Variants in LINC00237 observed in about 807,000 individuals in gnomAD.
The protein encoded by LINC00237 is long independently transcribed non-coding RNA 237, also known as long intergenic non-protein coding RNA 237.
At chr20:21,100,031 A>T (rs2030908965) in intron 1 of LINC00237, among the ~76,000 whole-genome samples, 1 of 152,192 alleles carries the variant, frequency 6.6e-6, no homozygotes, top group Non-Finnish European at 1.5e-5. Flanking sequence ...CTGACCTCCG[A>T]TGGCGCCTAT....
intron 1 of LINC00237, among the ~76,000 whole-genome samples, chr20:21,102,120 C>T (rs2030940366): frequency 6.6e-6 from 1 of 152,246 alleles, no homozygotes; most frequent in African/African-American, 2.4e-5. Flanking sequence ...ATACTTGGGC[C>T]TCGCAACTCA....
intron 1 of LINC00237, chr20:21,093,959 C>A (rs1169627137): frequency 3.9e-5 from 6 of 152,198 alleles, no homozygotes; most frequent in Non-Finnish European, 8.8e-5. Flanking sequence ...ACAGGCAGTA[C>A]TTGTATCATA....
chr20:21,092,794 C>A (rs201067146), intron 2 of LINC00237: 219 of 152,208 alleles, frequency 1.4e-3, no homozygotes, highest in African/African-American at 5.1e-3. Context: ...TGGCAACTAA[C>A]CCCCAAAAAA....
chr20:21,105,973 G>T (rs1211040309), intron 1 of LINC00237, among the ~76,000 whole-genome samples: 2 of 152,190 alleles, frequency 1.3e-5, no homozygotes, highest in Non-Finnish European at 2.9e-5. Flanking sequence ...CGGGGTCGGG[G>T]GGATGGGATC....
intron 2 of LINC00237, chr20:21,090,488 A>C (rs1482474277): frequency 5.3e-5 from 8 of 152,230 alleles, no homozygotes; most frequent in Non-Finnish European, 1.2e-4. Context: ...TCCGGAGCCG[A>C]GCCATCAGGC....
chr20:21,101,903 AG>A lies in LINC00237; in HGVS notation n.88+4367del, dbSNP rs1248339684. Among the ~76,000 whole-genome samples the A allele has an allele frequency of 6.6e-6, 1 of 151,976 alleles. No homozygotes were observed. The highest frequency in any genetic ancestry group is 1.5e-5 in the Non-Finnish European group (1 of 67,984). ...TGGGGGCGGAGTGCGGCGAGGGGTGAGGGCGCGACCGCCTTGGGGCAGGGGC... is the reference window on the plus strand; with the variant it reads ...TGGGGGCGGAGTGCGGCGAGGGGTGAGGCGCGACCGCCTTGGGGCAGGGGC... On this transcript the variant is annotated intron_variant and non_coding_transcript_variant, in intron 1 of 3. Transcript: ENST00000691244. This position sits in a 1 kb window ranked among gnomAD's most constrained non-coding sequence, Gnocchi z 4.3.
chr20:21,088,684 G>A (rs147790326), intron 2 of LINC00237, among the ~76,000 whole-genome samples: 4 of 152,288 alleles, frequency 2.6e-5, no homozygotes, highest in African/African-American at 9.6e-5. Flanking sequence ...CATGTCAAAT[G>A]ATTACAAACA....
chr20:21,106,131 G>A (rs1456668920), intron 1 of LINC00237: 1 of 152,436 alleles, frequency 6.6e-6, no homozygotes. Flanking sequence ...ACGCGCCTTT[G>A]CCGGGGAAAG....
chr20:21,088,451 T>C (rs979731056), intron 2 of LINC00237, among the ~76,000 whole-genome samples: 1 of 152,188 alleles, frequency 6.6e-6, no homozygotes, highest in African/African-American at 2.4e-5. Flanking sequence ...ACTACAGAAG[T>C]CACCATCTGT....
rs1413172960 is a variant in LINC00237, at chr20:21,086,638, T to C, written n.560-750A>G. On this transcript the variant is annotated intron_variant and non_coding_transcript_variant, in intron 3 of 3. Coordinates refer to ENST00000691244, the Ensembl canonical transcript of LINC00237. Reference sequence around the variant, plus strand: ...ATAGTATACTATATATAGTATACTATATATAGTATACTATATATGTATAGT... The same window carrying C: ...ATAGTATACTATATATAGTATACTACATATAGTATACTATATATGTATAGT... 9.4e-4 allele frequency among the ~76,000 whole-genome samples: 125 copies of C among 133,002 alleles called. 1 individual carries two copies. Among genetic ancestry groups the C allele is most frequent in the African/African-American group, 3.4e-3 (121 of 35,272 alleles). The allele number at this position is 133,002 out of a possible 152,430, so 87.3% of individuals were successfully genotyped here.
intron 2 of LINC00237, chr20:21,092,709 T>C (rs772961765): frequency 1.4e-4 from 21 of 152,250 alleles, no homozygotes; most frequent in Non-Finnish European, 2.5e-4. Context: ...CAGGCTTCTA[T>C]GTATATTTTC....
At chr20:21,099,036 G>A (rs2030895602) in intron 1 of LINC00237, among the ~76,000 whole-genome samples, 1 of 152,264 alleles carries the variant, frequency 6.6e-6, no homozygotes. Context: ...ATTCAGGCCT[G>A]TTTTAACAAC....
At chr20:21,096,377 C>G (rs2030858087) in intron 1 of LINC00237, among the ~76,000 whole-genome samples, 1 of 152,184 alleles carries the variant, frequency 6.6e-6, no homozygotes, top group Admixed American at 6.5e-5. Context: ...CAAGAAGGAA[C>G]AGGGAGGTGC....
chr20:21,095,084 A>C (rs2030839353), intron 1 of LINC00237, among the ~76,000 whole-genome samples: 1 of 152,064 alleles, frequency 6.6e-6, no homozygotes, highest in South Asian at 2.1e-4. Context: ...AAAGAGGAGG[A>C]GCCTTTTTCC....
At chr20:21,096,551 G>A (rs2030860705) in intron 1 of LINC00237, among the ~76,000 whole-genome samples, 1 of 152,224 alleles carries the variant, frequency 6.6e-6, no homozygotes, top group South Asian at 2.1e-4. Context: ...GTGGCAGACA[G>A]GAGTCTCCGA....
Position 21,088,208 on chromosome 20 carries a change from C to T in LINC00237, n.473-178G>A, listed in dbSNP as rs552590949. ...GAAACTGCCGCAGTCACTATAGGAC[C>T]GTGAATAAAGGTGGCGTAGAAAGAT... is the stretch of plus-strand genomic sequence containing the variant. On this transcript the variant is annotated intron_variant and non_coding_transcript_variant, in intron 2 of 3. Transcript: ENST00000691244. Among the ~76,000 whole-genome samples the T allele has an allele frequency of 3.9e-5, 6 of 152,150 alleles. No individual in the cohort carries two copies. The South Asian group carries it at 1.0e-3, about 26-fold the overall frequency.
chr20:21,090,571 G>A (rs2030778808), intron 2 of LINC00237: 2 of 152,172 alleles, frequency 1.3e-5, no homozygotes, highest in Non-Finnish European at 2.9e-5. Context: ...ATGAAAAGGT[G>A]CAAAATAGCT....
chr20:21,087,541 A>G (rs960488018), intron 3 of LINC00237: 1 of 152,130 alleles, frequency 6.6e-6, no homozygotes, highest in African/African-American at 2.4e-5. Context: ...TTACATCTCA[A>G]TGGTAGCTTA....
chr20:21,090,798 C>A, intron 2 of LINC00237, among the ~76,000 whole-genome samples: 1 of 152,134 alleles, frequency 6.6e-6, no homozygotes, highest in East Asian at 1.9e-4. Flanking sequence ...CACGCCGGAT[C>A]AACATATTAT....
Sources: gnomAD v4.1 joint callset for allele counts (sites outside exome capture counted in the v4.1 genomes callset) on GRCh38, gnomAD v4.1.1 for gene constraint, Gnocchi (gnomAD v3.1) non-coding constraint, MANE v1.5 for transcripts, NCBI Gene and HGNC (gene_info 2026-07-23, HGNC 2026-07-21) for gene names.